The following MLYCD variants were observed in gnomAD, a reference collection of about 807,000 sequenced individuals.
MLYCD encodes malonyl-CoA decarboxylase, mitochondrial.
In MLYCD, 27 loss-of-function variants were observed where a neutral mutation model predicts 35.8. That is an observed-to-expected ratio of 0.75 (90% CI 0.56 to 1.04). The LOEUF (loss-of-function observed/expected upper bound fraction) is 1.04, where lower values mean the gene tolerates loss of function less well. Among genes scored for constraint, MLYCD ranks in the 50% least tolerant of loss-of-function variants. The probability of loss-of-function intolerance (pLI) is 0.00; values close to 1 mark genes in which losing one functional copy is unlikely to be tolerated. For missense variants in MLYCD, 917 were observed against 665.1 expected, an observed-to-expected ratio of 1.38 and a Z score of -4.17; for synonymous variants, 403 against 302.4, an observed-to-expected ratio of 1.33 and a Z score of -3.45.
chr16:83,901,336 A>G (rs757265610), intron 1 of MLYCD, among the ~76,000 whole-genome samples: 15 of 152,202 alleles, frequency 9.9e-5, no homozygotes, highest in Non-Finnish European at 1.8e-4. Context: ...AAACTGGGAA[A>G]CTTGTCTTTA....
Position 83,916,189 on chromosome 16 carries a change from A to G in MLYCD, c.*700A>G, listed in dbSNP as rs1022493596. On this transcript the variant is annotated 3_prime_UTR_variant, in exon 5 of 5. Coordinates refer to ENST00000262430, the MANE Select transcript of MLYCD (RefSeq NM_012213.3). ...TGTTCTGTAAAGCATTGAACATCTGATTGTGTAGTGGTGGTCGTCTTTAAG... is the reference window on the plus strand; with the variant it reads ...TGTTCTGTAAAGCATTGAACATCTGGTTGTGTAGTGGTGGTCGTCTTTAAG... 6.1e-6 allele frequency: 6 copies of G among 989,070 alleles called. No individual in the cohort carries two copies. Among genetic ancestry groups the G allele is most frequent in the Non-Finnish European group, 7.2e-6 (6 of 831,224 alleles). The allele number at this position is 989,070 out of a possible 1,614,324, so 61.3% of individuals were successfully genotyped here. A position where few individuals can be genotyped will look rare whatever the true frequency, so the allele number is the denominator to read the frequency against.
intron 1 of MLYCD, among the ~76,000 whole-genome samples, chr16:83,902,176 T>C (rs1906818142): frequency 1.4e-5 from 2 of 145,550 alleles, no homozygotes; most frequent in African/African-American, 5.0e-5. Context: ...TATATATATA[T>C]ATATATATAT....
In MLYCD at chr16:83,915,662, C is replaced by A; in HGVS notation, c.*173C>A. On this transcript the variant is annotated 3_prime_UTR_variant, in exon 5 of 5. Transcript: ENST00000262430. ...AGGCCTCAACTTCCCTCACCCTGGG[C>A]GTGACATGCACCCAGTGCAAGACGG... is the stretch of plus-strand genomic sequence containing the variant. 2.0e-6 allele frequency: 3 copies of A among 1,498,968 alleles called. No homozygotes were observed. The highest frequency in any genetic ancestry group is 2.7e-6 in the Non-Finnish European group (3 of 1,127,312). The allele number at this position is 1,498,968 out of a possible 1,614,324, so 92.9% of individuals were successfully genotyped here.
At chr16:83,904,867 C>T (rs920878687) in intron 1 of MLYCD, among the ~76,000 whole-genome samples, 3 of 152,202 alleles carry the variant, frequency 2.0e-5, no homozygotes, top group African/African-American at 7.2e-5. Context: ...ATTGAGTCCA[C>T]ATCTGACTGC....
At position 83,915,127 on chromosome 16, in the gene MLYCD, A is replaced by T; in HGVS notation, c.1120A>T (p.Thr374Ser). The part of the protein sequence containing the change: ...SEITGGPINE[T>S]LKLLLSSSEW... ...GATCACAGGTGGCCCCATTAACGAG[A>T]CCCTCAAGCTCCTCCTCAGCAGCAG... The change falls in exon 5 of 5, where the codon ACC (threonine) becomes TCC (serine). Residue 374 changes from threonine (T) to serine (S), a missense_variant. Transcript: ENST00000262430. 1.9e-6 allele frequency: 3 copies of T among 1,614,190 alleles called. No individual in the cohort carries two copies. The highest frequency in any genetic ancestry group is 1.7e-6 in the Non-Finnish European group (2 of 1,180,038).
At chr16:83,902,152 TGC>T (rs1252487254) in intron 1 of MLYCD, among the ~76,000 whole-genome samples, 39 of 107,822 alleles carry the variant, frequency 3.6e-4, no homozygotes, top group Admixed American at 1.1e-3. Context: ...TGTGTGTGCG[TGC>T]GTATATATAT....
At chr16:83,910,257 A>AT (rs1220808592) in intron 3 of MLYCD, among the ~76,000 whole-genome samples, 1 of 150,904 alleles carries the variant, frequency 6.6e-6, no homozygotes, top group Admixed American at 6.6e-5. Context: ...AGTTTTATCA[A>AT]TTTTTTGTCT....
At position 83,923,810 on chromosome 16, in the gene MLYCD, G is replaced by T. The variant is rs1158208918; in HGVS notation, c.*8321G>T. The T allele has an allele frequency of 1.3e-5, 2 of 152,418 alleles. No homozygotes were observed. The highest frequency in any genetic ancestry group is 3.2e-3 in the Middle Eastern group (1 of 316). 9.4% of individuals were successfully genotyped at this position (152,418 alleles called of 1,614,324 possible). ...CGTACGTGGGGAGACCCACGCAAAGGCCCAGAGAGGAGAAGGCCAGCAGTG... is the reference window on the plus strand; with the variant it reads ...CGTACGTGGGGAGACCCACGCAAAGTCCCAGAGAGGAGAAGGCCAGCAGTG... On this transcript the variant is annotated 3_prime_UTR_variant, in exon 5 of 5. Coordinates refer to ENST00000262430, the MANE Select transcript of MLYCD (RefSeq NM_012213.3).
intron 2 of MLYCD, 73 bp from the exon 3 acceptor site, chr16:83,908,053 G>C (rs907720628): frequency 1.3e-6 from 2 of 1,576,776 alleles, no homozygotes; most frequent in East Asian, 2.2e-5. Context: ...TAGACGAATA[G>C]TATGAATAGG....
In MLYCD at chr16:83,917,345, G is replaced by A. The variant is rs532616479; in HGVS notation, c.*1856G>A. On this transcript the variant is annotated 3_prime_UTR_variant, in exon 5 of 5. Coordinates refer to ENST00000262430, the MANE Select transcript of MLYCD (RefSeq NM_012213.3). ...CACGTCTGTGTGCGTGTGCACGAGCGTCTCTGGATCAGTGCACGTCTGTGC... is the reference window on the plus strand; with the variant it reads ...CACGTCTGTGTGCGTGTGCACGAGCATCTCTGGATCAGTGCACGTCTGTGC... 27 of 154,556 alleles carry A rather than the reference G, an allele frequency of 1.7e-4. No homozygotes were observed. The highest frequency in any genetic ancestry group is 3.1e-4 in the Non-Finnish European group (21 of 68,268). 9.6% of individuals were successfully genotyped at this position (154,556 alleles called of 1,614,324 possible). A position where few individuals can be genotyped will look rare whatever the true frequency, so the allele number is the denominator to read the frequency against.
intron 1 of MLYCD, among the ~76,000 whole-genome samples, chr16:83,905,224 C>CA (rs879520126): frequency 0.013 from 1,783 of 136,470 alleles, 23 homozygotes; most frequent in African/African-American, 0.037. Context: ...CTCCATCTCT[C>CA]AAAAAAAAAA....
rs1127387 is a variant in MLYCD, at chr16:83,915,949, A to C, written c.*460A>C. On this transcript the variant is annotated 3_prime_UTR_variant, in exon 5 of 5. Transcript: ENST00000262430. ...ATGGTTGCTTTAGCCGTTTCTCACC[A>C]TGCAATGCAGAGGGACAAAGGGCTG... 0.13 allele frequency: 133,077 copies of C among 1,062,602 alleles called. 8,567 individuals are homozygous for C. Among genetic ancestry groups the C allele is most frequent in the Non-Finnish European group, 0.13 (116,941 of 875,562 alleles). 65.8% of individuals were successfully genotyped at this position (1,062,602 alleles called of 1,614,324 possible).
intron 3 of MLYCD, among the ~76,000 whole-genome samples, chr16:83,910,003 C>T (rs897008594): frequency 6.6e-6 from 1 of 152,040 alleles, no homozygotes; most frequent in Non-Finnish European, 1.5e-5. Context: ...GATCATCGAG[C>T]AAGTAAGGGC....
intron 3 of MLYCD, among the ~76,000 whole-genome samples, chr16:83,909,631 T>C (rs1907102182): frequency 6.6e-6 from 1 of 151,050 alleles, no homozygotes; most frequent in Non-Finnish European, 1.5e-5. Context: ...TTTTTTTTTT[T>C]TTTTTTTGAA....
At position 83,916,327 on chromosome 16, in the gene MLYCD, G is replaced by T; in HGVS notation, c.*838G>T. 2.7e-6 allele frequency: 1 copy of T among 372,220 alleles called. No homozygotes were observed. Among genetic ancestry groups the T allele is most frequent in the Non-Finnish European group, 3.7e-6 (1 of 267,712 alleles). The allele number at this position is 372,220 out of a possible 1,614,324, so 23.1% of individuals were successfully genotyped here. ...AGGTGAAGGAAGGGGCAGTCATTGT[G>T]CTTGTGGGAGGAAGGCAGTTGTGTT... On this transcript the variant is annotated 3_prime_UTR_variant, in exon 5 of 5. Transcript: ENST00000262430.
rs1038554885 is a variant in MLYCD at position 83,924,745 on chromosome 16, C to T, written c.*9256C>T. The T allele has an allele frequency of 2.6e-5, 4 of 152,306 alleles. No homozygotes were observed. Among genetic ancestry groups the T allele is most frequent in the African/African-American group, 9.6e-5 (4 of 41,552 alleles). The allele number at this position is 152,306 out of a possible 1,614,324, so 9.4% of individuals were successfully genotyped here. ...TTGCAGTCTCCACCCCAGTGTGGCT[C>T]ACGATGCCACCTCTCCTTGCCAGCT... is the stretch of plus-strand genomic sequence containing the variant. On this transcript the variant is annotated 3_prime_UTR_variant, in exon 5 of 5. Coordinates refer to ENST00000262430, the MANE Select transcript of MLYCD (RefSeq NM_012213.3).
chr16:83,922,250 T>G lies in MLYCD; in HGVS notation c.*6761T>G, dbSNP rs1477690691. On this transcript the variant is annotated 3_prime_UTR_variant, in exon 5 of 5. Coordinates refer to ENST00000262430, the MANE Select transcript of MLYCD (RefSeq NM_012213.3). Reference sequence around the variant, plus strand: ...TCCCGTCCCATCTCAGGAGCTACTCTGCTCCATTCCCCCCGTATCCGAGAC... The same window carrying G: ...TCCCGTCCCATCTCAGGAGCTACTCGGCTCCATTCCCCCCGTATCCGAGAC... 1 of 152,072 alleles carries G rather than the reference T, an allele frequency of 6.6e-6. No homozygotes were observed. Among genetic ancestry groups the G allele is most frequent in the Non-Finnish European group, 1.5e-5 (1 of 68,032 alleles). The allele number at this position is 152,072 out of a possible 1,614,324, so 9.4% of individuals were successfully genotyped here.
At chr16:83,902,384 A>T (rs1433788967) in intron 1 of MLYCD, among the ~76,000 whole-genome samples, 3 of 151,582 alleles carry the variant, frequency 2.0e-5, no homozygotes, top group African/African-American at 7.3e-5. Context: ...TGTCGCTTAA[A>T]TCAGTCTTAG....
Position 83,915,877 on chromosome 16 carries a change from C to A in MLYCD, c.*388C>A. 1 of 1,166,484 alleles carries A rather than the reference C, an allele frequency of 8.6e-7. No homozygotes were observed. The highest frequency in any genetic ancestry group is 1.1e-6 in the Non-Finnish European group (1 of 934,706). The allele number at this position is 1,166,484 out of a possible 1,614,324, so 72.3% of individuals were successfully genotyped here. Reference sequence around the variant, plus strand: ...CTCCTAAGGACCGGGGCGCGTGGCCCAGATAAGAATAGGTGTTCCTTTGTG... The same window carrying A: ...CTCCTAAGGACCGGGGCGCGTGGCCAAGATAAGAATAGGTGTTCCTTTGTG... On this transcript the variant is annotated 3_prime_UTR_variant, in exon 5 of 5. Coordinates refer to ENST00000262430, the MANE Select transcript of MLYCD (RefSeq NM_012213.3).
Sources: allele counts gnomAD v4.1 joint callset (sites outside exome capture counted in the v4.1 genomes callset), GRCh38; gene constraint gnomAD v4.1.1; transcripts MANE v1.5; gene names NCBI Gene and HGNC (gene_info 2026-07-23, HGNC 2026-07-21).